The following PPP2R5A variants were observed in gnomAD, a reference collection of about 807,000 sequenced individuals.
PPP2R5A encodes protein phosphatase 2 regulatory subunit B'alpha, also known as serine/threonine-protein phosphatase 2A 56 kDa regulatory subunit alpha isoform.
A neutral mutation model predicts 64.2 loss-of-function variants in PPP2R5A; 25 were observed. That is an observed-to-expected ratio of 0.39 (90% CI 0.28 to 0.54). PPP2R5A has a LOEUF of 0.54. Among genes scored for constraint, PPP2R5A ranks in the 20% least tolerant of loss-of-function variants. The probability of loss-of-function intolerance (pLI) is 0.67; values close to 1 mark genes in which losing one functional copy is unlikely to be tolerated. For synonymous variants in PPP2R5A, 198 were observed against 201.2 expected, an observed-to-expected ratio of 0.98 and a Z score of 0.13; for missense variants, 425 against 576.3, an observed-to-expected ratio of 0.74 and a Z score of 2.69.
In PPP2R5A at chr1:212,349,605, C is replaced by A. The variant is rs181676257; in HGVS notation, c.927+363C>A. ...TACTTCGAGGGTCCCAAAACTACTA[C>A]TCCCTTGAATTTTGTTTTGTTTTTA... On this transcript the variant is annotated intron_variant, in intron 8 of 12. Coordinates refer to ENST00000261461, the MANE Select transcript of PPP2R5A (RefSeq NM_006243.4). 1.3e-3 allele frequency among the ~76,000 whole-genome samples: 205 copies of A among 152,286 alleles called. 1 individual carries two copies. Among genetic ancestry groups the A allele is most frequent in the Non-Finnish European group, 2.4e-3 (165 of 67,986 alleles).
intron 12 of PPP2R5A, among the ~76,000 whole-genome samples, chr1:212,359,142 A>AATATAATTTATGCTG (rs879433663): frequency 3.3e-5 from 5 of 152,218 alleles, no homozygotes; most frequent in Non-Finnish European, 5.9e-5. Flanking sequence ...CTGCATATGA[A>AATATAATTTATGCTG]ATATAATTTA....
chr1:212,286,316 G>A, intron 1 of PPP2R5A, 25 bp downstream of exon 1: 1 of 1,463,730 alleles, frequency 6.8e-7, no homozygotes, highest in Non-Finnish European at 9.0e-7. Context: ...CGCAGCCCCA[G>A]CAGCGAGCGC....
At chr1:212,314,988 T>A (rs1571586586) in intron 1 of PPP2R5A, among the ~76,000 whole-genome samples, 1 of 152,172 alleles carries the variant, frequency 6.6e-6, no homozygotes, top group East Asian at 1.9e-4. Context: ...ATTACAGGCA[T>A]AAGCCACCAC....
chr1:212,295,485 T>G (rs1383237292), intron 1 of PPP2R5A, among the ~76,000 whole-genome samples: 1 of 152,170 alleles, frequency 6.6e-6, no homozygotes, highest in Non-Finnish European at 1.5e-5. Context: ...AGAGATAATT[T>G]GAGAGTCTTT....
chr1:212,345,738 C>A, intron 4 of PPP2R5A, 65 bp from the exon 5 acceptor site: 2 of 1,509,390 alleles, frequency 1.3e-6, no homozygotes, highest in Non-Finnish European at 1.8e-6. Context: ...TCTTTAAGAT[C>A]AAAATTAGAA....
intron 1 of PPP2R5A, among the ~76,000 whole-genome samples, chr1:212,327,432 G>A (rs1045238500): frequency 5.3e-5 from 8 of 152,026 alleles, no homozygotes; most frequent in Non-Finnish European, 1.0e-4. Context: ...TTTTTAAATC[G>A]AGACTTGAGT....
intron 1 of PPP2R5A, chr1:212,309,312 G>A: frequency 6.5e-7 from 1 of 1,527,094 alleles, no homozygotes; most frequent in East Asian, 2.2e-5. Context: ...GGTCAAGTTT[G>A]TTTCTCCTGG....
chr1:212,314,379 TTTG>T (rs1282013065), intron 1 of PPP2R5A, among the ~76,000 whole-genome samples: 106 of 152,122 alleles, frequency 7.0e-4, no homozygotes, highest in African/African-American at 2.4e-3. Flanking sequence ...GTAGTTTTTT[TTTG>T]TTGTTGTTGT....
intron 6 of PPP2R5A, among the ~76,000 whole-genome samples, chr1:212,347,988 GGA>G (rs1363024998): frequency 6.6e-6 from 1 of 152,108 alleles, no homozygotes; most frequent in East Asian, 1.9e-4. Context: ...AAATGATTGT[GGA>G]GAGAACTACT....
chr1:212,353,100 G>C (rs530328729), intron 8 of PPP2R5A: 4 of 388,336 alleles, frequency 1.0e-5, no homozygotes, highest in Admixed American at 1.0e-4. Context: ...TAAAGTGTCA[G>C]ATGGGGAAGG....
intron 1 of PPP2R5A, chr1:212,309,060 G>A (rs368829040): frequency 3.0e-6 from 2 of 674,040 alleles, no homozygotes; most frequent in East Asian, 2.7e-5. Context: ...AGATGATCTC[G>A]ATTTTGTTGG....
At chr1:212,303,198 A>T (rs1658830620) in intron 1 of PPP2R5A, among the ~76,000 whole-genome samples, 1 of 152,008 alleles carries the variant, frequency 6.6e-6, no homozygotes, top group Admixed American at 6.6e-5. Context: ...ACTATTTTAC[A>T]CTCCCACTTG....
chr1:212,343,260 C>T (rs1659717612), intron 4 of PPP2R5A, among the ~76,000 whole-genome samples: 1 of 152,066 alleles, frequency 6.6e-6, no homozygotes, highest in Non-Finnish European at 1.5e-5. Context: ...CCAAAGGCCC[C>T]TTTTTAACTA....
chr1:212,294,222 C>A (rs1284291876), intron 1 of PPP2R5A, among the ~76,000 whole-genome samples: 2 of 151,966 alleles, frequency 1.3e-5, no homozygotes, highest in Non-Finnish European at 2.9e-5. Flanking sequence ...ACAGCTATTA[C>A]CATAAGTCAA....
At chr1:212,288,121 ATTC>A (rs1658539099) in intron 1 of PPP2R5A, among the ~76,000 whole-genome samples, 1 of 152,120 alleles carries the variant, frequency 6.6e-6, no homozygotes, top group Non-Finnish European at 1.5e-5. Flanking sequence ...GGTTCAAACA[ATTC>A]TTCTGCCTCA....
In PPP2R5A at chr1:212,342,234, A is replaced by G. The variant is rs17852039; in HGVS notation, c.527A>G (p.Gln176Arg). 6.2e-7 allele frequency: 1 copy of G among 1,613,746 alleles called. No homozygotes were observed. The change falls in exon 4 of 13, where the codon CAG becomes CGG. Residue 176 changes from glutamine to arginine, a missense_variant. Gln to Arg is a conservative substitution (Grantham distance 43, BLOSUM62 1). This residue lies in a region of PPP2R5A where 140 missense variants were observed against 204.4 expected (regional missense o/e 0.68). Coordinates refer to ENST00000261461, the MANE Select transcript of PPP2R5A (RefSeq NM_006243.4). ...AGATTTTTGGAGAGCCCTGATTTCC[A>G]GCCTAGCATTGCAAAACGATACATT... is the stretch of plus-strand genomic sequence containing the variant. ...FLRFLESPDF[Q>R]PSIAKRYIDQ...
chr1:212,306,722 G>A (rs1415604933), intron 1 of PPP2R5A: 2 of 149,730 alleles, frequency 1.3e-5, no homozygotes, highest in Non-Finnish European at 3.0e-5. Flanking sequence ...CTTTTGATGG[G>A]CTTGGTTAAT....
rs1352453209 is a variant in PPP2R5A, at chr1:212,347,435, GAATT to G, written c.764+32_764+35del. 4 of 1,489,004 alleles carry G rather than the reference GAATT, an allele frequency of 2.7e-6. No individual in the cohort carries two copies. In the Admixed American group the frequency reaches 7.2e-5, roughly 27 times the overall value. The allele number at this position is 1,489,004 out of a possible 1,614,324, so 92.2% of individuals were successfully genotyped here. A position where few individuals can be genotyped will look rare whatever the true frequency, so the allele number is the denominator to read the frequency against. On this transcript the variant is annotated intron_variant, in intron 6 of 12. Coordinates refer to ENST00000261461, the MANE Select transcript of PPP2R5A (RefSeq NM_006243.4). ...GGTCAGGTTTTTTTGTTCTTTTTAA[GAATT>G]AAGTAAGTGAATGTTTTATGTATTA...
chr1:212,351,679 G>A (rs566243365), intron 8 of PPP2R5A, among the ~76,000 whole-genome samples: 15 of 152,242 alleles, frequency 9.9e-5, no homozygotes, highest in African/African-American at 3.1e-4. Context: ...GCAGTGAGCC[G>A]AGATCACAGC....
Sources: gnomAD v4.1 joint callset for allele counts (sites outside exome capture counted in the v4.1 genomes callset) on GRCh38, gnomAD v4.1.1 for gene constraint, gnomAD v4.1.1 regional missense constraint, MANE v1.5 for transcripts, NCBI Gene and HGNC (gene_info 2026-07-23, HGNC 2026-07-21) for gene names.